The following ARHGEF3 variants were observed in gnomAD, a reference collection of about 807,000 sequenced individuals.
The protein encoded by ARHGEF3 is 59.8 kDA protein.
A neutral mutation model predicts 63.2 loss-of-function variants in ARHGEF3; 28 were observed. That is an observed-to-expected ratio of 0.44 (90% CI 0.33 to 0.61). The LOEUF (loss-of-function observed/expected upper bound fraction) is 0.61. Ranked by LOEUF, ARHGEF3 falls within the 20% of genes least tolerant of loss-of-function variation. ARHGEF3 has a pLI of 0.03. For missense variants in ARHGEF3, 533 were observed against 659.3 expected (o/e 0.81, Z 2.10); for synonymous variants, 266 against 254.2 (o/e 1.05, Z -0.44).
At chr3:57,038,500 T>A (rs1425006817) in intron 1 of ARHGEF3, among the ~76,000 whole-genome samples, 2 of 152,194 alleles carry the variant, frequency 1.3e-5, no homozygotes, top group Non-Finnish European at 2.9e-5. Context: ...TGGAGTGCAG[T>A]GATGTAATCA....
chr3:57,017,945 T>C (rs764214924), intron 2 of ARHGEF3, among the ~76,000 whole-genome samples: 1 of 152,188 alleles, frequency 6.6e-6, no homozygotes, highest in East Asian at 1.9e-4. Flanking sequence ...AAAGAGCACA[T>C]GCAGTAGTTA....
chr3:56,771,085 C>G (rs560265205), intron 2 of ARHGEF3, among the ~76,000 whole-genome samples: 2 of 151,666 alleles, frequency 1.3e-5, no homozygotes, highest in African/African-American at 2.4e-5. Context: ...TGCACTCCAG[C>G]CCAGGCAACA....
At chr3:56,756,414 A>T (rs1448383289) in intron 2 of ARHGEF3, among the ~76,000 whole-genome samples, 1 of 152,054 alleles carries the variant, frequency 6.6e-6, no homozygotes, top group Non-Finnish European at 1.5e-5. Context: ...CCACTCATCC[A>T]TGAGCCTCCA....
intron 3 of ARHGEF3, among the ~76,000 whole-genome samples, chr3:56,909,260 G>A (rs758744425): frequency 1.3e-5 from 2 of 152,184 alleles, no homozygotes; most frequent in Non-Finnish European, 2.9e-5. Context: ...GAAGGCAGAG[G>A]GCTAGTGATG....
chr3:56,855,321 AAT>A (rs1482842340), intron 4 of ARHGEF3, among the ~76,000 whole-genome samples: 1 of 152,212 alleles, frequency 6.6e-6, no homozygotes, highest in Non-Finnish European at 1.5e-5. Context: ...CAGGAATTCA[AAT>A]ACACGTTTGC....
At chr3:56,849,171 G>A (rs547052856) in intron 4 of ARHGEF3, among the ~76,000 whole-genome samples, 16 of 152,228 alleles carry the variant, frequency 1.1e-4, no homozygotes, top group Admixed American at 8.5e-4. Flanking sequence ...TCTTCATTCT[G>A]TATGTTCCTG....
In ARHGEF3 at chr3:56,826,553, A is replaced by C. The variant is rs114931011; in HGVS notation, c.193-52737T>G. ...ATGAGGGCTAAGGAATTATTTCATA[A>C]CGATATCAAAGAGAAGAAAGTAGGA... On this transcript the variant is annotated intron_variant, in intron 4 of 12. Transcript: ENST00000338458. Among the ~76,000 whole-genome samples the C allele has an allele frequency of 5.9e-3, 894 of 152,322 alleles. 5 individuals are homozygous for C. Among genetic ancestry groups the C allele is most frequent in the African/African-American group, 0.02 (838 of 41,552 alleles).
At chr3:56,775,083 G>A (rs1183235342) in intron 1 of ARHGEF3, 1 of 1,551,236 alleles carries the variant, frequency 6.4e-7, no homozygotes, top group Non-Finnish European at 8.7e-7. Context: ...CAAAGCCAAA[G>A]TAGCCAATTG....
In ARHGEF3 at chr3:56,785,839, G is replaced by A. The variant is rs562602470; in HGVS notation, c.97-12023C>T. Among the ~76,000 whole-genome samples the A allele has an allele frequency of 1.3e-3, 201 of 152,318 alleles. 1 individual carries two copies. Among genetic ancestry groups the A allele is most frequent in the African/African-American group, 4.7e-3 (194 of 41,578 alleles). ...GGACCAGGGATCCTAACTGGTTGCT[G>A]GGTAAAAACTACAGGGACGTCTGAC... On this transcript the variant is annotated intron_variant, in intron 1 of 9. Transcript: ENST00000296315.
chr3:56,885,021 C>A (rs2040874823), intron 3 of ARHGEF3, among the ~76,000 whole-genome samples: 3 of 152,218 alleles, frequency 2.0e-5, no homozygotes. Context: ...AAATAGGTTA[C>A]ATCTCACTTG....
At chr3:56,897,146 T>G (rs1311623009) in intron 3 of ARHGEF3, among the ~76,000 whole-genome samples, 3 of 152,228 alleles carry the variant, frequency 2.0e-5, no homozygotes, top group South Asian at 2.1e-4. Context: ...CCATGTTGGC[T>G]TATGGATTCC....
At chr3:57,001,503 C>A (rs141623472) in intron 2 of ARHGEF3, among the ~76,000 whole-genome samples, 2 of 152,196 alleles carry the variant, frequency 1.3e-5, no homozygotes, top group African/African-American at 2.4e-5. Flanking sequence ...GAACTCAACA[C>A]GTTCCCAAGT....
intron 3 of ARHGEF3, among the ~76,000 whole-genome samples, chr3:56,950,530 T>C (rs1578928673): frequency 6.6e-6 from 1 of 151,978 alleles, no homozygotes; most frequent in Admixed American, 6.6e-5. Context: ...CATGAAAAAA[T>C]GCTCATCATC....
rs11383627 is a variant in ARHGEF3 at position 56,879,648 on chromosome 3, C to CTT, written c.192+2642_192+2643dup. Among the ~76,000 whole-genome samples the CTT allele has an allele frequency of 1.7e-3, 246 of 146,364 alleles. 1 individual carries two copies. The highest frequency in any genetic ancestry group is 4.3e-3 in the African/African-American group (173 of 39,950). On this transcript the variant is annotated intron_variant, in intron 4 of 12. Coordinates refer to the ARHGEF3 transcript ENST00000338458. ...GTATGAGTCATCCATTGGGACCCAC[C>CTT]TTTTTTTTTTTTTAAAGATACTTTC...
intron 1 of ARHGEF3, among the ~76,000 whole-genome samples, chr3:56,791,004 G>A (rs2037051395): frequency 6.6e-6 from 1 of 151,852 alleles, no homozygotes; most frequent in Non-Finnish European, 1.5e-5. Flanking sequence ...TAATGCTAAT[G>A]GTATCTACAG....
At chr3:56,757,562 T>C (rs1370707998) in intron 2 of ARHGEF3, among the ~76,000 whole-genome samples, 1 of 152,174 alleles carries the variant, frequency 6.6e-6, no homozygotes, top group Non-Finnish European at 1.5e-5. Context: ...ACCCCTTCTA[T>C]GTAGCCTAAA....
At chr3:57,032,824 G>T (rs1047222695) in intron 2 of ARHGEF3, among the ~76,000 whole-genome samples, 1 of 152,146 alleles carries the variant, frequency 6.6e-6, no homozygotes, top group African/African-American at 2.4e-5. Flanking sequence ...TCTCCTGGGG[G>T]AGTATAAGTA....
intron 1 of ARHGEF3, among the ~76,000 whole-genome samples, chr3:57,060,990 A>AT (rs1273270932): frequency 2.0e-5 from 3 of 152,222 alleles, no homozygotes; most frequent in African/African-American, 7.2e-5. Context: ...AATATAAAAC[A>AT]TACCACTTTA....
At chr3:56,967,528 GTATAA>G (rs913730208) in intron 2 of ARHGEF3, among the ~76,000 whole-genome samples, 46 of 77,524 alleles carry the variant, frequency 5.9e-4, no homozygotes, top group African/African-American at 2.2e-3. Context: ...TATATTATAT[GTATAA>G]TATATTACAT....
Sources: gnomAD v4.1 joint callset for allele counts (sites outside exome capture counted in the v4.1 genomes callset) on GRCh38, gnomAD v4.1.1 for gene constraint, MANE v1.5 for transcripts, NCBI Gene and HGNC (gene_info 2026-07-23, HGNC 2026-07-21) for gene names.